SATB2: variants seen among roughly 807,000 people sequenced by gnomAD.
SATB2 encodes the protein DNA-binding protein SATB2.
SATB2 carries 1 observed loss-of-function variant against 73.4 expected under a neutral mutation model. That is an observed-to-expected ratio of 0.01 (90% confidence interval 0.00 to 0.06). The LOEUF is 0.06. Ranked by LOEUF, SATB2 falls within the 10% of genes least tolerant of loss-of-function variation. The pLI is 1.00. For missense variants in SATB2, 459 were observed against 945.8 expected, an observed-to-expected ratio of 0.49 and a Z score of 6.75; for synonymous variants, 397 against 367.0, an observed-to-expected ratio of 1.08 and a Z score of -0.93.
At chr2:199,438,533 C>T (rs960490207) in intron 2 of SATB2, among the ~76,000 whole-genome samples, 1 of 152,204 alleles carries the variant, frequency 6.6e-6, no homozygotes, top group Admixed American at 6.5e-5. Flanking sequence ...TAGGGAACAG[C>T]TCTTTCCCCC....
At chr2:199,286,760 T>A (rs1236433875) in intron 10 of SATB2, among the ~76,000 whole-genome samples, 2 of 152,206 alleles carry the variant, frequency 1.3e-5, no homozygotes, top group African/African-American at 4.8e-5. Context: ...CAGATTAAAG[T>A]GTCTTTAAAG....
At chr2:199,377,332 C>T (rs770357392) in intron 5 of SATB2, among the ~76,000 whole-genome samples, 1 of 152,120 alleles carries the variant, frequency 6.6e-6, no homozygotes, top group African/African-American at 2.4e-5. Flanking sequence ...GAGCTGAGAT[C>T]GTGCCACTAC....
intron 9 of SATB2, among the ~76,000 whole-genome samples, chr2:199,316,617 T>C (rs958778303): frequency 6.6e-6 from 1 of 152,084 alleles, no homozygotes; most frequent in African/African-American, 2.4e-5. Context: ...GAGTCTGTAA[T>C]TGAGAGTAAT....
intron 4 of SATB2, among the ~76,000 whole-genome samples, chr2:199,381,119 T>C (rs966685810): frequency 6.6e-6 from 1 of 152,220 alleles, no homozygotes; most frequent in African/African-American, 2.4e-5. Context: ...TTTAGAGAGA[T>C]ATCTTGTTCC....
intron 3 of SATB2, among the ~76,000 whole-genome samples, chr2:199,384,279 C>T (rs17265387): frequency 0.18 from 27,436 of 152,178 alleles, 2,915 homozygotes; most frequent in Middle Eastern, 0.25. Flanking sequence ...TTGGCACATG[C>T]TATTTTCCCA....
upstream of SATB2, among the ~76,000 whole-genome samples, chr2:199,468,720 C>A (rs986855935): frequency 6.6e-6 from 1 of 152,206 alleles, no homozygotes; most frequent in African/African-American, 2.4e-5. Context: ...TGCTCTACCC[C>A]TCGCAGGCCC....
chr2:199,433,190 T>C (rs1383413678), intron 3 of SATB2, 148 bp downstream of exon 3: 1 of 815,442 alleles, frequency 1.2e-6, no homozygotes, highest in South Asian at 1.9e-5. Context: ...CAAGACCTTC[T>C]ACAAGAAATA....
chr2:199,378,505 G>A (rs994159126), intron 5 of SATB2, among the ~76,000 whole-genome samples: 1 of 152,036 alleles, frequency 6.6e-6, no homozygotes, highest in Non-Finnish European at 1.5e-5. Context: ...CATACCTACA[G>A]GTAGGTATTA....
At chr2:199,380,972 G>A (rs1465555433) in intron 4 of SATB2, among the ~76,000 whole-genome samples, 1 of 152,136 alleles carries the variant, frequency 6.6e-6, no homozygotes, top group East Asian at 1.9e-4. Context: ...ACACAGATGG[G>A]AATGCTGGGG....
At chr2:199,445,865 G>A (rs1040809232) in intron 2 of SATB2, among the ~76,000 whole-genome samples, 1 of 152,090 alleles carries the variant, frequency 6.6e-6, no homozygotes, top group Non-Finnish European at 1.5e-5. Flanking sequence ...CTCCTGACAG[G>A]CACCTTCACT....
intron 3 of SATB2, among the ~76,000 whole-genome samples, chr2:199,409,267 T>C (rs945005873): frequency 6.8e-6 from 1 of 147,668 alleles, no homozygotes; most frequent in Non-Finnish European, 1.5e-5. Flanking sequence ...CCTCCCGGGT[T>C]CAAGCAATTC....
At chr2:199,449,952 T>C (rs1186276877) in intron 2 of SATB2, among the ~76,000 whole-genome samples, 2 of 152,048 alleles carry the variant, frequency 1.3e-5, no homozygotes, top group East Asian at 3.8e-4. Context: ...CTTTTCTTCA[T>C]TTTTTTGAGT....
At chr2:199,449,758 T>C (rs1409763554) in intron 2 of SATB2, among the ~76,000 whole-genome samples, 1 of 152,122 alleles carries the variant, frequency 6.6e-6, no homozygotes, top group African/African-American at 2.4e-5. Flanking sequence ...ACAGACATTT[T>C]CAAAACCTCT....
chr2:199,354,055 G>C (rs547091825), intron 6 of SATB2, among the ~76,000 whole-genome samples: 1 of 152,272 alleles, frequency 6.6e-6, no homozygotes, highest in African/African-American at 2.4e-5. Context: ...TTATTAAAGA[G>C]ACAGTAAAAA....
rs889241802 is a variant in SATB2 at position 199,457,126 on chromosome 2, G to A, written c.-60+213C>T. Among the ~76,000 whole-genome samples, 1 of 152,186 alleles carries A rather than the reference G, an allele frequency of 6.6e-6. No homozygotes were observed. Among genetic ancestry groups the A allele is most frequent in the Admixed American group, 6.5e-5 (1 of 15,292 alleles). ...GCCGCGCGAGCAGTGTCGGCGCCAC[G>A]GGTCAAGGAGACAAGGTGGGGGTGG... On this transcript the variant is annotated intron_variant, in intron 1 of 10. Coordinates refer to ENST00000417098, the MANE Select transcript of SATB2 (RefSeq NM_001172509.2). This position sits in a 1 kb window ranked among gnomAD's most constrained non-coding sequence, Gnocchi z 4.8.
chr2:199,291,132 A>T (rs994130787), intron 10 of SATB2, among the ~76,000 whole-genome samples: 2 of 152,240 alleles, frequency 1.3e-5, no homozygotes, highest in African/African-American at 4.8e-5. Flanking sequence ...TTTTCTTTGG[A>T]ACAGAATGAA....
intron 2 of SATB2, among the ~76,000 whole-genome samples, chr2:199,446,056 G>A (rs1278764046): frequency 6.6e-6 from 1 of 152,022 alleles, no homozygotes; most frequent in East Asian, 1.9e-4. Context: ...AAACAATACT[G>A]AAAAATTCAG....
chr2:199,371,090 T>C (rs889440673), intron 5 of SATB2, among the ~76,000 whole-genome samples: 1 of 152,114 alleles, frequency 6.6e-6, no homozygotes, highest in Non-Finnish European at 1.5e-5. Context: ...CCCAAAATAG[T>C]TTTTACTGAT....
chr2:199,307,741 T>A (rs945115262), intron 10 of SATB2, among the ~76,000 whole-genome samples: 1 of 152,128 alleles, frequency 6.6e-6, no homozygotes, highest in Non-Finnish European at 1.5e-5. Flanking sequence ...CTCCCAAACA[T>A]GTGAGGGGGG....
Sources: allele counts gnomAD v4.1 joint callset (sites outside exome capture counted in the v4.1 genomes callset), GRCh38; gene constraint gnomAD v4.1.1; non-coding constraint Gnocchi (gnomAD v3.1); transcripts MANE v1.5; gene names NCBI Gene and HGNC (gene_info 2026-07-23, HGNC 2026-07-21).